DOCK5: variants seen among roughly 807,000 people sequenced by gnomAD.
DOCK5 encodes dedicator of cytokinesis protein 5.
In DOCK5, 142 loss-of-function variants were observed where a neutral mutation model predicts 251.8. That is an observed-to-expected ratio of 0.56 (90% CI 0.49 to 0.65). The LOEUF is 0.65. Ranked by LOEUF, DOCK5 falls within the 30% of genes least tolerant of loss-of-function variation. DOCK5 has a pLI of 0.00. For synonymous variants in DOCK5, 842 were observed against 835.5 expected, an observed-to-expected ratio of 1.01 and a Z score of -0.13; for missense variants, 2,111 against 2,312.3, an observed-to-expected ratio of 0.91 and a Z score of 1.79.
intron 21 of DOCK5, among the ~76,000 whole-genome samples, chr8:25,335,493 A>AATG (rs1805783060): frequency 6.6e-6 from 1 of 150,696 alleles, no homozygotes; most frequent in African/African-American, 2.4e-5. Context: ...CCATCTAAAT[A>AATG]ATAATAATAA....
At chr8:25,326,549 A>G (rs966907986) in intron 18 of DOCK5, among the ~76,000 whole-genome samples, 2 of 152,222 alleles carry the variant, frequency 1.3e-5, no homozygotes, top group Non-Finnish European at 2.9e-5. Flanking sequence ...AGCCAGAAAC[A>G]TAAAAGACGT....
At chr8:25,274,016 G>C (rs1439929898) in intron 3 of DOCK5, among the ~76,000 whole-genome samples, 2 of 152,214 alleles carry the variant, frequency 1.3e-5, no homozygotes, top group Non-Finnish European at 2.9e-5. Flanking sequence ...TGGTGGGGAA[G>C]CACATGCAGG....
chr8:25,310,221 A>G (rs1280667042), intron 12 of DOCK5, among the ~76,000 whole-genome samples, 186 bp from the exon 13 acceptor site: 1 of 152,066 alleles, frequency 6.6e-6, no homozygotes, highest in Non-Finnish European at 1.5e-5. Flanking sequence ...ATCTCTGTCA[A>G]ATTCTCAAAG....
At chr8:25,375,301 C>T (rs1227254921) in intron 37 of DOCK5, 1 of 157,380 alleles carries the variant, frequency 6.4e-6, no homozygotes, top group Non-Finnish European at 1.4e-5. Context: ...TAGTCATCTT[C>T]AATTTCTCTC....
At chr8:25,325,582 T>G in intron 18 of DOCK5, 35 bp downstream of exon 18, 1 of 1,605,198 alleles carries the variant, frequency 6.2e-7, no homozygotes, top group Non-Finnish European at 8.5e-7. Context: ...CAAATAAGCT[T>G]CTTGCTCAGC....
intron 27 of DOCK5, among the ~76,000 whole-genome samples, chr8:25,356,907 TTATATATATATATATATA>T (rs34216387): frequency 0.3 from 39,769 of 131,338 alleles, 6,174 homozygotes; most frequent in East Asian, 0.4. Context: ...TATATGAAGA[TTATATATATATATATATA>T]TATATATATA....
At chr8:25,310,733 C>A (rs1282956818) in intron 13 of DOCK5, among the ~76,000 whole-genome samples, 18 of 152,126 alleles carry the variant, frequency 1.2e-4, no homozygotes, top group Non-Finnish European at 2.9e-5. Context: ...AATATAAAAA[C>A]CTCTGCTCTG....
chr8:25,198,987 G>A (rs1329210851), intron 1 of DOCK5, among the ~76,000 whole-genome samples: 1 of 152,192 alleles, frequency 6.6e-6, no homozygotes, highest in East Asian at 1.9e-4. Context: ...GTTCTAGGAA[G>A]GAAGTGTGTT....
rs1586327048 is a variant in DOCK5, at chr8:25,321,058, T to TA, written c.1615+7dup. ...ACACAGGTCATCTCAGGAAAGTAAGTATTAAGACGTCTATGACATATTTCC... is the reference window on the plus strand; with the variant it reads ...ACACAGGTCATCTCAGGAAAGTAAGTAATTAAGACGTCTATGACATATTTCC... On this transcript the variant is annotated splice_region_variant and intron_variant, in intron 16 of 51. Transcript: ENST00000276440. 6.2e-7 allele frequency: 1 copy of TA among 1,611,832 alleles called. No homozygotes were observed. The highest frequency in any genetic ancestry group is 1.3e-5 in the African/African-American group (1 of 74,922).
chr8:25,389,470 G>A (rs780316887), intron 41 of DOCK5, among the ~76,000 whole-genome samples: 8 of 152,316 alleles, frequency 5.3e-5, no homozygotes, highest in Middle Eastern at 3.4e-3. Flanking sequence ...AATATACTTC[G>A]TAGCCAGATG....
Position 25,317,185 on chromosome 8 carries a change from C to T in DOCK5, c.1443+54C>T, listed in dbSNP as rs1003384483. ...ACCATCGCATCCGTCTTTACAATCA[C>T]GATAGAATCTTGGCCGTATTTTAAT... is the stretch of plus-strand genomic sequence containing the variant. On this transcript the variant is annotated intron_variant, in intron 14 of 51. Coordinates refer to ENST00000276440, the MANE Select transcript of DOCK5 (RefSeq NM_024940.8). The T allele has an allele frequency of 2.6e-5, 42 of 1,589,478 alleles. No homozygotes were observed. In the African/African-American group the frequency reaches 4.0e-4, roughly 15 times the overall value.
chr8:25,275,471 A>C (rs755107018), intron 4 of DOCK5, 30 bp downstream of exon 4: 1 of 1,578,960 alleles, frequency 6.3e-7, no homozygotes, highest in East Asian at 2.2e-5. Context: ...GATTCCCCAA[A>C]AATGATGAAG....
chr8:25,322,031 G>A (rs114118050), intron 16 of DOCK5, among the ~76,000 whole-genome samples: 85 of 152,294 alleles, frequency 5.6e-4, no homozygotes, highest in African/African-American at 1.9e-3. Flanking sequence ...TGTAAGCAGA[G>A]AAGAAAATTG....
intron 42 of DOCK5, among the ~76,000 whole-genome samples, chr8:25,390,890 C>T (rs928813646): frequency 9.2e-5 from 14 of 151,984 alleles, no homozygotes; most frequent in Admixed American, 8.5e-4. Context: ...CTCACTGCAA[C>T]TTCTGCCTCC....
chr8:25,371,261 A>C (rs1004996534), intron 34 of DOCK5, among the ~76,000 whole-genome samples: 8 of 152,144 alleles, frequency 5.3e-5, no homozygotes, highest in Non-Finnish European at 8.8e-5. Flanking sequence ...GATGTTGGCC[A>C]GGGTGGTCTC....
intron 2 of DOCK5, among the ~76,000 whole-genome samples, chr8:25,258,532 G>A (rs1044957424): frequency 6.6e-6 from 1 of 152,150 alleles, no homozygotes; most frequent in Admixed American, 6.6e-5. Context: ...AAGAAGCAAT[G>A]GCTCCTCTAT....
chr8:25,321,171 T>A, intron 16 of DOCK5, 119 bp downstream of exon 16: 2 of 831,316 alleles, frequency 2.4e-6, no homozygotes, highest in Middle Eastern at 3.3e-4. Context: ...GCAGCTGTAT[T>A]TTGTAACTCA....
At chr8:25,228,462 T>C (rs759403172) in intron 1 of DOCK5, among the ~76,000 whole-genome samples, 4 of 152,208 alleles carry the variant, frequency 2.6e-5, no homozygotes, top group Non-Finnish European at 5.9e-5. Context: ...GCAGAGGGGC[T>C]GTTCCTTGTG....
chr8:25,260,167 C>A (rs900379891), intron 2 of DOCK5, among the ~76,000 whole-genome samples: 9 of 151,908 alleles, frequency 5.9e-5, no homozygotes, highest in African/African-American at 2.2e-4. Context: ...ATTGGAAGGA[C>A]AGCTCACCGG....
Sources: allele counts gnomAD v4.1 joint callset (sites outside exome capture counted in the v4.1 genomes callset), GRCh38; gene constraint gnomAD v4.1.1; transcripts MANE v1.5; gene names NCBI Gene and HGNC (gene_info 2026-07-23, HGNC 2026-07-21).